GANC: variants seen among roughly 807,000 people sequenced by gnomAD.
The protein encoded by GANC is neutral alpha-glucosidase C.
A neutral mutation model predicts 124.2 loss-of-function variants in GANC; 117 were observed. The observed-to-expected ratio is 0.94, with a 90% CI of 0.81 to 1.10. GANC has a LOEUF of 1.10. Ranked by LOEUF, GANC falls within the 50% of genes least tolerant of loss-of-function variation. The probability of loss-of-function intolerance (pLI) is 0.00; values close to 1 mark genes in which losing one functional copy is unlikely to be tolerated. For synonymous variants in GANC, 377 were observed against 376.8 expected (o/e 1.00, Z -0.01); for missense variants, 1,140 against 1,095.0 (o/e 1.04, Z -0.58).
At chr15:42,338,153 A>T (rs1011731770) in intron 15 of GANC, among the ~76,000 whole-genome samples, 20 of 150,004 alleles carry the variant, frequency 1.3e-4, no homozygotes, top group South Asian at 6.6e-4. Flanking sequence ...AATTATACTT[A>T]AAAAAAAGTG....
intron 5 of GANC, among the ~76,000 whole-genome samples, chr15:42,294,540 A>C (rs1467643201): frequency 5.0e-5 from 7 of 139,946 alleles, no homozygotes; most frequent in Non-Finnish European, 9.0e-5. Context: ...ATACCATTGC[A>C]CTCCAGCCTG....
At chr15:42,349,200 T>C (rs2052397122) in intron 21 of GANC, among the ~76,000 whole-genome samples, 183 bp from the exon 22 acceptor site, 1 of 152,260 alleles carries the variant, frequency 6.6e-6, no homozygotes, top group Non-Finnish European at 1.5e-5. Flanking sequence ...GTGACTTTCC[T>C]ATTGTTTTAC....
Position 42,352,955 on chromosome 15 carries a change from C to A in GANC, c.*816C>A. The A allele has an allele frequency of 1.7e-6, 1 of 576,192 alleles. No individual in the cohort carries two copies. The highest frequency in any genetic ancestry group is 2.2e-6 in the Non-Finnish European group (1 of 457,064). The allele number at this position is 576,192 out of a possible 1,614,324, so 35.7% of individuals were successfully genotyped here. ...CTTGGGCACAAAATGTAAGGGATGCCAAAAAAATACAGTAATCAAAGTAAG... is the reference window on the plus strand; with the variant it reads ...CTTGGGCACAAAATGTAAGGGATGCAAAAAAAATACAGTAATCAAAGTAAG... On this transcript the variant is annotated 3_prime_UTR_variant, in exon 24 of 24. Coordinates refer to ENST00000318010, the MANE Select transcript of GANC (RefSeq NM_198141.3).
intron 6 of GANC, among the ~76,000 whole-genome samples, chr15:42,305,099 A>G (rs1350651076): frequency 6.6e-6 from 1 of 152,214 alleles, no homozygotes; most frequent in Non-Finnish European, 1.5e-5. Context: ...CAAAAGCCAA[A>G]ATTGACAAAT....
intron 1 of GANC, among the ~76,000 whole-genome samples, chr15:42,274,918 A>G (rs942221055): frequency 2.0e-5 from 3 of 152,194 alleles, no homozygotes; most frequent in African/African-American, 7.2e-5. Flanking sequence ...GGATGGTTAA[A>G]TAACATTAAC....
intron 7 of GANC, 31 bp from the exon 8 acceptor site, chr15:42,308,191 G>A (rs747979213): frequency 7.0e-7 from 1 of 1,418,558 alleles, no homozygotes; most frequent in Non-Finnish European, 9.8e-7. Context: ...GTTCTTTTCA[G>A]AAACAAAACT....
Position 42,273,223 on chromosome 15 carries a change from T to G in GANC, c.-1259T>G. 1 of 1,612,782 alleles carries G rather than the reference T, an allele frequency of 6.2e-7. No homozygotes were observed. The highest frequency in any genetic ancestry group is 8.5e-7 in the Non-Finnish European group (1 of 1,179,066). The stretch of plus-strand genomic sequence containing the variant: ...GCCGTAGCCCCACCCCTTGCTCCTC[T>G]AGGTTCAGACGTTAGTGAAGTGAAT... On this transcript the variant is annotated 5_prime_UTR_variant, in exon 1 of 24. Coordinates refer to ENST00000318010, the MANE Select transcript of GANC (RefSeq NM_198141.3).
At chr15:42,350,592 G>A (rs1177763692) in intron 22 of GANC, among the ~76,000 whole-genome samples, 7 of 132,760 alleles carry the variant, frequency 5.3e-5, no homozygotes, top group Admixed American at 3.4e-4. Context: ...TGCTCTTGTC[G>A]CCCAGGCTGG....
At chr15:42,296,144 A>G (rs1300035797) in intron 5 of GANC, among the ~76,000 whole-genome samples, 1 of 146,212 alleles carries the variant, frequency 6.8e-6, no homozygotes, top group Non-Finnish European at 1.5e-5. Context: ...CTCTGTCTCA[A>G]AAAAAAAAAA....
chr15:42,294,095 G>A (rs145411543), intron 5 of GANC, among the ~76,000 whole-genome samples: 7 of 151,226 alleles, frequency 4.6e-5, no homozygotes, highest in Non-Finnish European at 7.4e-5. Context: ...TGTAAACCCC[G>A]ATGATTTTGT....
chr15:42,335,570 G>A (rs116216515), intron 15 of GANC, among the ~76,000 whole-genome samples: 2,542 of 152,186 alleles, frequency 0.017, 73 homozygotes, highest in African/African-American at 0.059. Context: ...CAAGGATGCC[G>A]TCTGTCACCA....
chr15:42,303,274 G>C (rs1443580239), intron 6 of GANC, among the ~76,000 whole-genome samples: 9 of 152,128 alleles, frequency 5.9e-5, no homozygotes, highest in Non-Finnish European at 1.3e-4. Context: ...AAGCAAAGGA[G>C]AAAGAAAATC....
At chr15:42,299,834 G>A (rs7163294) in intron 6 of GANC, among the ~76,000 whole-genome samples, 1,631 of 152,196 alleles carry the variant, frequency 0.011, 26 homozygotes, top group African/African-American at 0.037. Flanking sequence ...TCTGATCTTC[G>A]AGAAACCTGA....
At chr15:42,351,838 T>C (rs2052442434) in intron 23 of GANC, among the ~76,000 whole-genome samples, 192 bp from the exon 24 acceptor site, 1 of 152,224 alleles carries the variant, frequency 6.6e-6, no homozygotes, top group Non-Finnish European at 1.5e-5. Flanking sequence ...TTTCAACCAA[T>C]CTTGCGGTCA....
chr15:42,273,462 C>T lies in GANC; in HGVS notation c.-1020C>T. 6.2e-7 allele frequency: 1 copy of T among 1,603,428 alleles called. No individual in the cohort carries two copies. The highest frequency in any genetic ancestry group is 8.5e-7 in the Non-Finnish European group (1 of 1,175,928). ...CTCTTCCGGTTCGTCCCGCCTTCTT[C>T]CGGCTCTGCTCTAAGGGCGGGATTA... is the stretch of plus-strand genomic sequence containing the variant. On this transcript the variant is annotated 5_prime_UTR_variant, in exon 1 of 24. Coordinates refer to ENST00000318010, the MANE Select transcript of GANC (RefSeq NM_198141.3).
At chr15:42,339,976 T>C in intron 17 of GANC, 64 bp downstream of exon 17, 1 of 1,522,572 alleles carries the variant, frequency 6.6e-7, no homozygotes, top group Non-Finnish European at 8.9e-7. Context: ...TCTCAGTGAT[T>C]AAAGAATGCA....
intron 11 of GANC, among the ~76,000 whole-genome samples, chr15:42,324,539 T>C (rs2141059134): frequency 6.6e-6 from 1 of 152,242 alleles, no homozygotes; most frequent in South Asian, 2.1e-4. Flanking sequence ...CCCAAGCTGC[T>C]TGGGTTGCAA....
chr15:42,314,267 A>C (rs567639874), intron 10 of GANC: 18 of 664,078 alleles, frequency 2.7e-5, no homozygotes, highest in Non-Finnish European at 4.3e-5. Flanking sequence ...TTAAAGCCTG[A>C]TGAGGAAAGG....
Position 42,292,827 on chromosome 15 carries a change from TAG to T in GANC, c.424_425del (p.Asp142LeufsTer4). On this transcript the variant is annotated frameshift_variant, in exon 5 of 24. Coordinates refer to ENST00000318010, the MANE Select transcript of GANC (RefSeq NM_198141.3). LOFTEE classifies it high-confidence loss of function. ...CATATCACAGCAAACCCATTCAAGG[TAG>T]ACTTGGTGTCTGAAGAAGAGGTTGT... 3.7e-6 allele frequency: 6 copies of T among 1,614,162 alleles called. No individual in the cohort carries two copies. The highest frequency in any genetic ancestry group is 5.1e-6 in the Non-Finnish European group (6 of 1,179,994).
Sources: gnomAD v4.1 joint callset for allele counts (sites outside exome capture counted in the v4.1 genomes callset) on GRCh38, gnomAD v4.1.1 for gene constraint, MANE v1.5 for transcripts, NCBI Gene and HGNC (gene_info 2026-07-23, HGNC 2026-07-21) for gene names.